SLC8A3: variants seen among roughly 807,000 people sequenced by gnomAD.
SLC8A3 encodes the protein solute carrier family 8 member A3.
Under a neutral mutation model 65.4 loss-of-function variants are expected in SLC8A3, and 37 were observed. That is an observed-to-expected ratio of 0.57 (90% confidence interval 0.44 to 0.74). The LOEUF (loss-of-function observed/expected upper bound fraction) is 0.74, where lower values mean the gene tolerates loss of function less well. Ranked by LOEUF, SLC8A3 falls within the 30% of genes least tolerant of loss-of-function variation. SLC8A3 has a pLI of 0.00. For missense variants in SLC8A3, 1,112 were observed against 1,172.1 expected (o/e 0.95, Z 0.75); for synonymous variants, 461 against 444.5 (o/e 1.04, Z -0.47).
At chr14:70,182,080 T>G (rs1340580761) in intron 1 of SLC8A3, among the ~76,000 whole-genome samples, 1 of 152,104 alleles carries the variant, frequency 6.6e-6, no homozygotes, top group African/African-American at 2.4e-5. Flanking sequence ...GGGCATGGGC[T>G]TATAAAATAC....
At chr14:70,053,138 G>A (rs934948966) in intron 3 of SLC8A3, among the ~76,000 whole-genome samples, 3 of 152,198 alleles carry the variant, frequency 2.0e-5, no homozygotes, top group African/African-American at 4.8e-5. Context: ...TTTGCTCAGT[G>A]TTCGGGCACC....
intron 3 of SLC8A3, among the ~76,000 whole-genome samples, chr14:70,055,237 A>G (rs1288298785): frequency 6.6e-6 from 1 of 152,198 alleles, no homozygotes; most frequent in Non-Finnish European, 1.5e-5. Flanking sequence ...TTTAAGGGTC[A>G]ATGACAAATG....
intron 1 of SLC8A3, among the ~76,000 whole-genome samples, chr14:70,187,795 G>C (rs1883450091): frequency 6.6e-6 from 1 of 152,064 alleles, no homozygotes; most frequent in Non-Finnish European, 1.5e-5. Context: ...CCAGCGGTGG[G>C]TGCTCTGGGG....
At chr14:70,149,913 G>A (rs61559466) in intron 2 of SLC8A3, among the ~76,000 whole-genome samples, 35,399 of 152,072 alleles carry the variant, frequency 0.23, 4,801 homozygotes, top group Admixed American at 0.33. Flanking sequence ...CTGTCTTTGG[G>A]AGCAGCCTGT....
intron 2 of SLC8A3, among the ~76,000 whole-genome samples, chr14:70,153,176 C>T (rs976231598): frequency 4.6e-5 from 7 of 152,194 alleles, no homozygotes; most frequent in Admixed American, 2.0e-4. Context: ...CCTGGGCTTG[C>T]TGCAACCTGG....
intron 2 of SLC8A3, among the ~76,000 whole-genome samples, chr14:70,152,148 T>C (rs953844593): frequency 6.6e-6 from 1 of 152,082 alleles, no homozygotes; most frequent in Non-Finnish European, 1.5e-5. Context: ...TGGTTTCCAG[T>C]GGCGTGGGCA....
intron 3 of SLC8A3, among the ~76,000 whole-genome samples, chr14:70,060,014 G>T (rs1385871053): frequency 6.6e-6 from 1 of 152,154 alleles, no homozygotes; most frequent in East Asian, 1.9e-4. Flanking sequence ...ACATAGAATG[G>T]CATGGGGTGG....
chr14:70,184,658 G>C (rs1345278189), intron 1 of SLC8A3, among the ~76,000 whole-genome samples: 1 of 152,140 alleles, frequency 6.6e-6, no homozygotes, highest in Non-Finnish European at 1.5e-5. Context: ...ATTATCATGG[G>C]GTTTACCCTC....
chr14:70,144,132 A>G (rs542675511), intron 2 of SLC8A3, among the ~76,000 whole-genome samples: 20 of 152,156 alleles, frequency 1.3e-4, no homozygotes, highest in African/African-American at 2.6e-4. Context: ...AGGGCACTCA[A>G]TAGGATGGAC....
intron 1 of SLC8A3, among the ~76,000 whole-genome samples, chr14:70,170,089 C>T (rs998790822): frequency 2.4e-4 from 36 of 152,100 alleles, no homozygotes; most frequent in African/African-American, 8.2e-4. Context: ...ATATAGCCAC[C>T]GTAATCTTTT....
intron 3 of SLC8A3, among the ~76,000 whole-genome samples, chr14:70,059,640 T>G (rs1437448724): frequency 6.6e-6 from 1 of 152,172 alleles, no homozygotes; most frequent in East Asian, 1.9e-4. Context: ...GCAGGTATTC[T>G]CAGATGCAGG....
intron 2 of SLC8A3, among the ~76,000 whole-genome samples, chr14:70,085,702 A>T (rs1036701413): frequency 6.6e-6 from 1 of 152,244 alleles, no homozygotes; most frequent in Non-Finnish European, 1.5e-5. Flanking sequence ...TCTCTGATTT[A>T]TGAAACTGGG....
chr14:70,158,552 G>T (rs1250833884), intron 2 of SLC8A3, among the ~76,000 whole-genome samples: 1 of 152,124 alleles, frequency 6.6e-6, no homozygotes, highest in Non-Finnish European at 1.5e-5. Flanking sequence ...CTACAATAGA[G>T]TGGTTTCTAT....
intron 1 of SLC8A3, among the ~76,000 whole-genome samples, chr14:70,175,144 T>C (rs1353333510): frequency 6.6e-6 from 1 of 152,174 alleles, no homozygotes; most frequent in African/African-American, 2.4e-5. Context: ...GACCAGGGCA[T>C]CAGCAGGCCT....
intron 2 of SLC8A3, among the ~76,000 whole-genome samples, chr14:70,101,512 C>T (rs564282746): frequency 4.6e-5 from 7 of 152,230 alleles, no homozygotes; most frequent in East Asian, 1.9e-4. Flanking sequence ...TTGTATCATG[C>T]GGGGCCTTGA....
At chr14:70,086,054 G>T (rs902386227) in intron 2 of SLC8A3, among the ~76,000 whole-genome samples, 5 of 152,174 alleles carry the variant, frequency 3.3e-5, no homozygotes, top group African/African-American at 1.2e-4. Flanking sequence ...CAATGAAATG[G>T]AGGGAATTGT....
At position 70,045,815 on chromosome 14, in the gene SLC8A3, T is replaced by A; in HGVS notation, c.*132A>T. On this transcript the variant is annotated 3_prime_UTR_variant, in exon 7 of 7. Coordinates refer to ENST00000356921, the MANE Select transcript of SLC8A3 (RefSeq NM_182932.3). ...GTTAATTGCCAGGGCCTAAGTTGGG[T>A]GAAGTTCCTGGGGCTTAGGTCCTGA... 4 of 869,004 alleles carry A rather than the reference T, an allele frequency of 4.6e-6. No individual in the cohort carries two copies. The highest frequency in any genetic ancestry group is 6.8e-6 in the Non-Finnish European group (4 of 585,520). The allele number at this position is 869,004 out of a possible 1,614,324, so 53.8% of individuals were successfully genotyped here.
At chr14:70,169,691 T>TG (rs11291451) in intron 1 of SLC8A3, among the ~76,000 whole-genome samples, 5,604 of 103,284 alleles carry the variant, frequency 0.054, 296 homozygotes, top group East Asian at 0.17. Context: ...AAAAAAAAAG[T>TG]GGGGGGGGGG....
At position 70,069,058 on chromosome 14, in the gene SLC8A3, C is replaced by T. The variant is rs563811415; in HGVS notation, c.1785-8119G>A. 4.6e-5 allele frequency among the ~76,000 whole-genome samples: 7 copies of T among 152,318 alleles called. No individual in the cohort carries two copies. In the South Asian group the frequency reaches 1.5e-3, roughly 32 times the overall value. On this transcript the variant is annotated intron_variant, in intron 2 of 6. Coordinates refer to ENST00000356921, the MANE Select transcript of SLC8A3 (RefSeq NM_182932.3). ...CATTTTAAAGATGAGAAAACAGATG[C>T]TCAAAGAGGTTAAGTAACTTGCTCA...
Sources: allele counts gnomAD v4.1 joint callset (sites outside exome capture counted in the v4.1 genomes callset), GRCh38; gene constraint gnomAD v4.1.1; transcripts MANE v1.5; gene names NCBI Gene and HGNC (gene_info 2026-07-23, HGNC 2026-07-21).